SPATA13: variants seen among roughly 807,000 people sequenced by gnomAD.
The protein encoded by SPATA13 is spermatogenesis associated 13.
Under a neutral mutation model 104.0 loss-of-function variants are expected in SPATA13, and 50 were observed. The ratio of observed to expected loss-of-function variants is 0.48; its 90% confidence interval spans 0.38 to 0.61. SPATA13 has a LOEUF of 0.61. Among genes scored for constraint, SPATA13 ranks in the 20% least tolerant of loss-of-function variants. SPATA13 has a pLI of 0.00. For missense variants in SPATA13, 1,524 were observed against 1,690.6 expected (o/e 0.90, Z 1.73); for synonymous variants, 606 against 667.5 (o/e 0.91, Z 1.42).
intron 4 of SPATA13, among the ~76,000 whole-genome samples, chr13:24,269,240 T>A (rs999736172): frequency 5.9e-5 from 9 of 152,196 alleles, no homozygotes; most frequent in Non-Finnish European, 8.8e-5. Context: ...GCCTAGAGAC[T>A]TGGAAACTTT....
chr13:24,286,342 G>A lies in SPATA13; in HGVS notation c.2430G>A (p.Trp810Ter), dbSNP rs1038966065. Residue 810 changes from tryptophan (W) to a stop codon, truncating the protein, a stop_gained, in exon 6 of 13, where the codon TGG (tryptophan) becomes TGA (stop). Coordinates refer to ENST00000382108, the MANE Select transcript of SPATA13 (RefSeq NM_001166271.3). LOFTEE classifies it high-confidence loss of function. This position sits in a 1 kb window ranked among gnomAD's most constrained non-coding sequence, Gnocchi z 4.9. Reference protein sequence around the residue: ...QVLEASNKDWWWGRSEDKEAW... With the variant: ...QVLEASNKDW ...TGGAAGCCTCCAACAAGGACTGGTG[G>A]TGGGGCCGCAGTGAAGATAAGGAAG... 2 of 1,613,178 alleles carry A rather than the reference G, an allele frequency of 1.2e-6. No individual in the cohort carries two copies. Among genetic ancestry groups the A allele is most frequent in the Non-Finnish European group, 1.7e-6 (2 of 1,180,036 alleles).
intron 2 of SPATA13, among the ~76,000 whole-genome samples, chr13:24,008,766 T>G (rs1820937856): frequency 6.6e-6 from 1 of 152,028 alleles, no homozygotes; most frequent in Non-Finnish European, 1.5e-5. Context: ...TCCACCCCCA[T>G]GTACTCCTAC....
At chr13:24,168,008 G>A (rs913717186) in intron 1 of SPATA13, among the ~76,000 whole-genome samples, 5 of 152,086 alleles carry the variant, frequency 3.3e-5, no homozygotes, top group African/African-American at 9.7e-5. Flanking sequence ...TATAATGGTA[G>A]CCTTCTCTAT....
At chr13:24,251,929 G>C (rs1217867671) in intron 4 of SPATA13, 67 bp downstream of exon 4, 23 of 1,544,636 alleles carry the variant, frequency 1.5e-5, no homozygotes, top group Non-Finnish European at 2.0e-5. Flanking sequence ...CAGCTAACCT[G>C]AGGCAGCAGG....
chr13:24,292,622 A>G (rs1188124725), intron 9 of SPATA13, among the ~76,000 whole-genome samples: 1 of 152,220 alleles, frequency 6.6e-6, no homozygotes, highest in East Asian at 1.9e-4. Flanking sequence ...CAGCAGCTAA[A>G]TATCTTCCTG....
intron 3 of SPATA13, among the ~76,000 whole-genome samples, chr13:24,142,179 C>T (rs939324579): frequency 1.3e-5 from 2 of 151,590 alleles, no homozygotes; most frequent in South Asian, 2.1e-4. Context: ...CTCCCAGTGC[C>T]CCCCTCCCCC....
chr13:24,055,357 A>G (rs1017680610), intron 3 of SPATA13, among the ~76,000 whole-genome samples: 1 of 152,184 alleles, frequency 6.6e-6, no homozygotes, highest in African/African-American at 2.4e-5. Flanking sequence ...CCTGGGTTCA[A>G]ATCTCGACCT....
At chr13:24,222,248 C>T (rs1334617915) in intron 1 of SPATA13, among the ~76,000 whole-genome samples, 2 of 152,196 alleles carry the variant, frequency 1.3e-5, no homozygotes, top group Admixed American at 6.5e-5. Flanking sequence ...CCGCCTGTGT[C>T]TAGGTGGCCC....
At chr13:24,077,505 A>C (rs1879373822) in intron 3 of SPATA13, among the ~76,000 whole-genome samples, 1 of 152,114 alleles carries the variant, frequency 6.6e-6, no homozygotes, top group African/African-American at 2.4e-5. Flanking sequence ...GAGGGAAGAA[A>C]AATTTCCTAT....
chr13:23,989,463 A>G (rs1875305885), intron 2 of SPATA13, among the ~76,000 whole-genome samples: 1 of 152,150 alleles, frequency 6.6e-6, no homozygotes, highest in Non-Finnish European at 1.5e-5. Context: ...TTAAAAGTTG[A>G]ATACATAAAC....
intron 1 of SPATA13, among the ~76,000 whole-genome samples, chr13:24,214,106 C>A (rs1871165905): frequency 6.6e-6 from 1 of 152,236 alleles, no homozygotes; most frequent in Admixed American, 6.5e-5. Context: ...GGTGGCACAT[C>A]ACTTCTATCT....
chr13:24,265,794 C>A (rs997813066), intron 4 of SPATA13, among the ~76,000 whole-genome samples: 1 of 152,104 alleles, frequency 6.6e-6, no homozygotes, highest in Non-Finnish European at 1.5e-5. Context: ...GGGGCCATAT[C>A]AAAGTTAGTG....
intron 3 of SPATA13, among the ~76,000 whole-genome samples, chr13:24,145,372 T>G (rs1353526288): frequency 6.6e-6 from 1 of 152,176 alleles, no homozygotes; most frequent in Non-Finnish European, 1.5e-5. Flanking sequence ...AAACAGGACT[T>G]TTCAGGGGCT....
At chr13:24,179,951 A>G (rs1220664748) in intron 1 of SPATA13, among the ~76,000 whole-genome samples, 1 of 152,164 alleles carries the variant, frequency 6.6e-6, no homozygotes, top group Non-Finnish European at 1.5e-5. Context: ...CTTCCATTCT[A>G]CAGCTTTTCT....
chr13:24,197,988 C>A (rs1390701626), intron 1 of SPATA13, among the ~76,000 whole-genome samples: 1 of 150,082 alleles, frequency 6.7e-6, no homozygotes, highest in African/African-American at 2.5e-5. Flanking sequence ...TCCCCTGTTA[C>A]CTCGTGTTTG....
intron 2 of SPATA13, among the ~76,000 whole-genome samples, chr13:24,002,386 C>T (rs974157059): frequency 5.3e-5 from 8 of 152,086 alleles, no homozygotes; most frequent in African/African-American, 1.7e-4. Flanking sequence ...CATTGACAAA[C>T]GAATTCGAGT....
chr13:24,249,990 G>T, intron 3 of SPATA13, 148 bp downstream of exon 3: 1 of 1,063,160 alleles, frequency 9.4e-7, no homozygotes, highest in Non-Finnish European at 1.3e-6. Flanking sequence ...TCCTGACTGT[G>T]TGAAAACATG....
At chr13:23,990,337 T>G (rs796671617) in intron 2 of SPATA13, among the ~76,000 whole-genome samples, 10 of 152,302 alleles carry the variant, frequency 6.6e-5, no homozygotes, top group African/African-American at 2.4e-4. Flanking sequence ...AAGCTCAAAC[T>G]TATTAGCATG....
At position 24,224,593 on chromosome 13, in the gene SPATA13, C is replaced by T. The variant is rs1316588133; in HGVS notation, c.1653+11C>T. On this transcript the variant is annotated intron_variant, in intron 2 of 12. Coordinates refer to ENST00000382108, the MANE Select transcript of SPATA13 (RefSeq NM_001166271.3). ...AAGGAGAAGGAGGAGGTAAGGGCAG[C>T]GGCGAGGTCCCTCATGTGGGCGACC... 55 of 1,537,102 alleles carry T rather than the reference C, an allele frequency of 3.6e-5. No individual in the cohort carries two copies. In the East Asian group the frequency reaches 1.0e-3, roughly 29 times the overall value.
Sources: gnomAD v4.1 joint callset for allele counts (sites outside exome capture counted in the v4.1 genomes callset) on GRCh38, gnomAD v4.1.1 for gene constraint, Gnocchi (gnomAD v3.1) non-coding constraint, MANE v1.5 for transcripts, NCBI Gene and HGNC (gene_info 2026-07-23, HGNC 2026-07-21) for gene names.